The following ENTREP2 variants were observed in gnomAD, a reference collection of about 807,000 sequenced individuals.
ENTREP2 encodes the protein protein ENTREP2.
the ENTREP2 span, among the ~76,000 whole-genome samples, chr15:29,618,207 A>G: frequency 2.0e-5 from 3 of 152,086 alleles, no homozygotes; most frequent in African/African-American, 7.2e-5. Flanking sequence ...GCAGATCACA[A>G]GGTCAGGAGT....
the ENTREP2 span, among the ~76,000 whole-genome samples, chr15:29,271,481 A>G: frequency 0.28 from 42,632 of 152,218 alleles, 11,255 homozygotes; most frequent in African/African-American, 0.7. Context: ...CAGGCAGCCC[A>G]GCGCCAGGCC....
chr15:29,576,497 T>G, the ENTREP2 span, among the ~76,000 whole-genome samples: 3 of 152,232 alleles, frequency 2.0e-5, no homozygotes, highest in South Asian at 2.1e-4. Flanking sequence ...TTAAACACTT[T>G]TGTACATCAA....
chr15:29,417,992 C>T, the ENTREP2 span, among the ~76,000 whole-genome samples: 17 of 152,154 alleles, frequency 1.1e-4, no homozygotes, highest in Non-Finnish European at 2.1e-4. Context: ...ATATTAACAA[C>T]TGTAAGAATA....
chr15:29,550,002 A>C, the ENTREP2 span, among the ~76,000 whole-genome samples: 286 of 152,306 alleles, frequency 1.9e-3, 1 homozygote, highest in Non-Finnish European at 3.2e-3. Context: ...AGGCACCCAC[A>C]ACAAGGACAG....
the ENTREP2 span, among the ~76,000 whole-genome samples, chr15:29,129,712 G>A: frequency 6.6e-6 from 1 of 152,120 alleles, no homozygotes; most frequent in Non-Finnish European, 1.5e-5. Flanking sequence ...TAAGGGGAAG[G>A]CTATACCTCC....
chr15:29,551,523 G>C, the ENTREP2 span, among the ~76,000 whole-genome samples: 1 of 152,080 alleles, frequency 6.6e-6, no homozygotes, highest in Non-Finnish European at 1.5e-5. Context: ...ACAAAATAAA[G>C]GGAGCCTCTG....
chr15:29,579,580 C>T, the ENTREP2 span, among the ~76,000 whole-genome samples: 2 of 147,164 alleles, frequency 1.4e-5, no homozygotes, highest in African/African-American at 2.5e-5. Context: ...AGTGCAGTGG[C>T]GCGATCTCAG....
At chr15:29,644,691 T>C in the ENTREP2 span, among the ~76,000 whole-genome samples, 3 of 150,790 alleles carry the variant, frequency 2.0e-5, no homozygotes, top group East Asian at 5.9e-4. Context: ...TAGTCCCAGC[T>C]ACTCGGGAAG....
the ENTREP2 span, among the ~76,000 whole-genome samples, chr15:29,658,400 C>T: frequency 6.4e-3 from 969 of 152,188 alleles, 5 homozygotes; most frequent in South Asian, 0.021. Flanking sequence ...TACCCAGTCT[C>T]GAGTATGTCC....
the ENTREP2 span, among the ~76,000 whole-genome samples, chr15:29,306,659 T>A: frequency 6.9e-6 from 1 of 145,050 alleles, no homozygotes; most frequent in Non-Finnish European, 1.5e-5. Flanking sequence ...GAAAAATAAT[T>A]GGTAATTTTT....
chr15:29,486,732 C>T, the ENTREP2 span, among the ~76,000 whole-genome samples: 6 of 152,016 alleles, frequency 3.9e-5, no homozygotes, highest in African/African-American at 1.4e-4. Context: ...CTGTCATTTA[C>T]GGCAACACAG....
chr15:29,668,099 CA>C, the ENTREP2 span, among the ~76,000 whole-genome samples: 1 of 152,132 alleles, frequency 6.6e-6, no homozygotes, highest in Non-Finnish European at 1.5e-5. Context: ...AAGGACCCAG[CA>C]AGAGAGCACC....
the ENTREP2 span, among the ~76,000 whole-genome samples, chr15:29,653,344 C>A: frequency 6.6e-6 from 1 of 152,038 alleles, no homozygotes; most frequent in Non-Finnish European, 1.5e-5. Context: ...TGTCTCTAAC[C>A]CTTATATCGA....
chr15:29,467,184 C>T, the ENTREP2 span, among the ~76,000 whole-genome samples: 4 of 152,162 alleles, frequency 2.6e-5, no homozygotes, highest in African/African-American at 9.6e-5. Context: ...CTGGGTGTGT[C>T]CTGCGGCAAA....
At chr15:29,400,188 T>C in the ENTREP2 span, among the ~76,000 whole-genome samples, 1 of 152,208 alleles carries the variant, frequency 6.6e-6, no homozygotes, top group Non-Finnish European at 1.5e-5. Context: ...AACGTTACAA[T>C]GATGGGCAGG....
chr15:29,126,339 G>A, the ENTREP2 span: 1 of 1,533,750 alleles, frequency 6.5e-7, no homozygotes, highest in Non-Finnish European at 8.8e-7. Flanking sequence ...GGCTGCACCT[G>A]TGAGCCCATG....
chr15:29,627,448 CAGG>C, the ENTREP2 span, among the ~76,000 whole-genome samples: 1 of 150,784 alleles, frequency 6.6e-6, no homozygotes, highest in Non-Finnish European at 1.5e-5. Flanking sequence ...GAGGCTGAGG[CAGG>C]AGAATTGCTT....
chr15:29,435,504 T>TCC, the ENTREP2 span, among the ~76,000 whole-genome samples: 2 of 152,082 alleles, frequency 1.3e-5, no homozygotes, highest in Non-Finnish European at 2.9e-5. Flanking sequence ...TTTGTTAATA[T>TCC]CCTTTTTAGG....
At chr15:29,519,106 C>A in the ENTREP2 span, among the ~76,000 whole-genome samples, 2 of 152,054 alleles carry the variant, frequency 1.3e-5, no homozygotes, top group African/African-American at 4.8e-5. Context: ...TGGAGCACTA[C>A]ATTTCTTGGT....
Sources: gnomAD v4.1 joint callset for allele counts (sites outside exome capture counted in the v4.1 genomes callset) on GRCh38, gnomAD v4.1.1 for gene constraint, MANE v1.5 for transcripts, NCBI Gene and HGNC (gene_info 2026-07-23, HGNC 2026-07-21) for gene names.